Variants in ADAM22 observed in about 807,000 individuals in gnomAD.
ADAM22 encodes ADAM metallopeptidase domain 22, also known as disintegrin and metalloproteinase domain-containing protein 22.
Under a neutral mutation model 144.6 loss-of-function variants are expected in ADAM22, and 65 were observed. The ratio of observed to expected loss-of-function variants is 0.45; its 90% confidence interval spans 0.37 to 0.55. The LOEUF (loss-of-function observed/expected upper bound fraction) is 0.55. Among genes scored for constraint, ADAM22 ranks in the 20% least tolerant of loss-of-function variants. The pLI is 0.00. For synonymous variants in ADAM22, 391 were observed against 412.6 expected (o/e 0.95, Z 0.63); for missense variants, 974 against 1,184.9 (o/e 0.82, Z 2.61).
chr7:88,139,767 T>C (rs1331953620), intron 14 of ADAM22, among the ~76,000 whole-genome samples: 1 of 152,076 alleles, frequency 6.6e-6, no homozygotes, highest in Non-Finnish European at 1.5e-5. Context: ...TTTATAAGCA[T>C]AGGGTAATGA....
At chr7:88,018,850 G>A (rs958762804) in intron 3 of ADAM22, among the ~76,000 whole-genome samples, 1 of 152,150 alleles carries the variant, frequency 6.6e-6, no homozygotes, top group African/African-American at 2.4e-5. Flanking sequence ...GAGGCAAATT[G>A]CATACTTAAT....
intron 3 of ADAM22, among the ~76,000 whole-genome samples, chr7:88,070,457 GA>G (rs772929323): frequency 2.6e-4 from 40 of 152,276 alleles, no homozygotes; most frequent in Non-Finnish European, 4.4e-4. Context: ...TCTTGACCTT[GA>G]GATTACATCT....
intron 3 of ADAM22, among the ~76,000 whole-genome samples, chr7:87,995,791 GAT>G (rs1584903170): frequency 1.3e-5 from 2 of 152,104 alleles, no homozygotes; most frequent in African/African-American, 4.8e-5. Flanking sequence ...ACCCTGCACC[GAT>G]ATGTCACTCA....
chr7:88,163,379 T>C (rs1359888087), intron 23 of ADAM22, among the ~76,000 whole-genome samples, 199 bp downstream of exon 23: 1 of 152,126 alleles, frequency 6.6e-6, no homozygotes, highest in African/African-American at 2.4e-5. Flanking sequence ...AGGAAATGAA[T>C]AATCTTTCTA....
At chr7:88,095,324 C>A (rs908397663) in intron 4 of ADAM22, among the ~76,000 whole-genome samples, 3 of 152,094 alleles carry the variant, frequency 2.0e-5, no homozygotes, top group African/African-American at 7.2e-5. Context: ...AATATTTGTT[C>A]ATAGAAGACA....
chr7:87,963,693 C>T (rs1316637259), intron 2 of ADAM22, among the ~76,000 whole-genome samples: 7 of 152,126 alleles, frequency 4.6e-5, no homozygotes, highest in African/African-American at 1.7e-4. Context: ...CCTGTATGCT[C>T]AGTTTTGTTA....
intron 2 of ADAM22, among the ~76,000 whole-genome samples, chr7:87,951,362 A>T (rs1845099540): frequency 8.4e-6 from 1 of 118,960 alleles, no homozygotes; most frequent in Admixed American, 7.9e-5. Flanking sequence ...ACATATGGCT[A>T]GCCAGTTTTC....
intron 13 of ADAM22, among the ~76,000 whole-genome samples, chr7:88,134,638 G>A (rs983368907): frequency 9.9e-5 from 15 of 152,130 alleles, no homozygotes; most frequent in South Asian, 4.1e-4. Context: ...CTTTAAAGCC[G>A]TGTGATAATA....
chr7:88,067,137 A>G (rs1585393203), intron 3 of ADAM22, among the ~76,000 whole-genome samples: 1 of 152,012 alleles, frequency 6.6e-6, no homozygotes. Flanking sequence ...CCTTTACTTG[A>G]CTGTAATGGG....
chr7:88,076,240 G>T (rs1814457947), intron 4 of ADAM22, among the ~76,000 whole-genome samples: 1 of 152,052 alleles, frequency 6.6e-6, no homozygotes, highest in East Asian at 1.9e-4. Context: ...GTTTCACCAT[G>T]TTGGCCAGGC....
chr7:88,151,936 G>A (rs1838510339), intron 20 of ADAM22, among the ~76,000 whole-genome samples: 1 of 152,146 alleles, frequency 6.6e-6, no homozygotes, highest in Non-Finnish European at 1.5e-5. Flanking sequence ...TAAATGTTGA[G>A]TAATGTATTG....
At chr7:87,938,443 T>A (rs1467124696) in intron 2 of ADAM22, among the ~76,000 whole-genome samples, 2 of 151,750 alleles carry the variant, frequency 1.3e-5, no homozygotes, top group African/African-American at 4.8e-5. Context: ...GGTCTAGAAC[T>A]CCTGACCTCA....
intron 2 of ADAM22, among the ~76,000 whole-genome samples, chr7:87,973,745 A>G (rs1851118506): frequency 6.6e-6 from 1 of 152,200 alleles, no homozygotes; most frequent in Non-Finnish European, 1.5e-5. Flanking sequence ...ACACCATGGA[A>G]TACTATGCAG....
chr7:87,946,767 T>C (rs974031911), intron 2 of ADAM22, among the ~76,000 whole-genome samples: 13 of 152,166 alleles, frequency 8.5e-5, no homozygotes, highest in Non-Finnish European at 1.6e-4. Context: ...TCATGTTCAT[T>C]GCACTATTCA....
rs570049505 is a variant in ADAM22 at position 88,077,540 on chromosome 7, C to G, written c.390+1848C>G. On this transcript the variant is annotated intron_variant, in intron 4 of 31. Transcript: ENST00000413139. Reference sequence around the variant, plus strand: ...GTACCGTGCGTGAGCCAAAGCAGTGCGAGGCATCGCCTCACCTGGGAAGTG... The same window carrying G: ...GTACCGTGCGTGAGCCAAAGCAGTGGGAGGCATCGCCTCACCTGGGAAGTG... 2.0e-5 allele frequency among the ~76,000 whole-genome samples: 3 copies of G among 152,286 alleles called. No homozygotes were observed. In the South Asian group the frequency reaches 6.2e-4, roughly 32 times the overall value.
intron 28 of ADAM22, 121 bp downstream of exon 28, chr7:88,181,726 A>C: frequency 1.1e-6 from 1 of 895,750 alleles, no homozygotes; most frequent in Non-Finnish European, 1.7e-6. Context: ...CAGAGAGGAG[A>C]ATATGTAGAA....
At chr7:88,189,294 C>T (rs575309483) in intron 30 of ADAM22, among the ~76,000 whole-genome samples, 29 of 152,272 alleles carry the variant, frequency 1.9e-4, no homozygotes, top group Admixed American at 4.6e-4. Flanking sequence ...GCCTTACTCT[C>T]GGGTATTATC....
chr7:88,021,621 C>G (rs1797848956), intron 3 of ADAM22, among the ~76,000 whole-genome samples: 1 of 152,108 alleles, frequency 6.6e-6, no homozygotes, highest in Non-Finnish European at 1.5e-5. Context: ...GTAATTATAG[C>G]ATTTTTTCTT....
chr7:88,124,135 T>G (rs1829895062), intron 7 of ADAM22, among the ~76,000 whole-genome samples: 1 of 151,970 alleles, frequency 6.6e-6, no homozygotes, highest in African/African-American at 2.4e-5. Context: ...GTTAAATTGG[T>G]TGATAGTGTT....
Sources: allele counts gnomAD v4.1 joint callset (sites outside exome capture counted in the v4.1 genomes callset), GRCh38; gene constraint gnomAD v4.1.1; transcripts MANE v1.5; gene names NCBI Gene and HGNC (gene_info 2026-07-23, HGNC 2026-07-21).